WWOX: variants seen among roughly 807,000 people sequenced by gnomAD.
The protein encoded by WWOX is WW domain containing oxidoreductase.
Under a neutral mutation model 46.2 loss-of-function variants are expected in WWOX, and 69 were observed. That is an observed-to-expected ratio of 1.49 (90% CI 1.23 to 1.82). WWOX has a LOEUF of 1.82. WWOX is among the 40% of genes most tolerant of loss of function. The probability of loss-of-function intolerance (pLI) is 0.00; values close to 1 mark genes in which losing one functional copy is unlikely to be tolerated. For missense variants in WWOX, 919 were observed against 542.6 expected (o/e 1.69, Z -6.89); for synonymous variants, 359 against 202.6 (o/e 1.77, Z -6.56).
intron 8 of WWOX, among the ~76,000 whole-genome samples, chr16:79,029,440 C>G (rs1447906257): frequency 6.6e-6 from 1 of 152,198 alleles, no homozygotes; most frequent in African/African-American, 2.4e-5. Context: ...GTAAAGGGTT[C>G]TGATGTGTGA....
intron 6 of WWOX, among the ~76,000 whole-genome samples, chr16:78,409,854 C>T (rs1195888090): frequency 6.6e-6 from 1 of 152,202 alleles, no homozygotes; most frequent in Admixed American, 6.5e-5. Context: ...CCATTTCCCT[C>T]TAGCCACAAT....
intron 5 of WWOX, among the ~76,000 whole-genome samples, chr16:78,290,123 CAG>C (rs1446924214): frequency 2.0e-5 from 3 of 152,116 alleles, no homozygotes; most frequent in Non-Finnish European, 4.4e-5. Flanking sequence ...TAACGAATGA[CAG>C]TGTCTTTAGT....
intron 5 of WWOX, among the ~76,000 whole-genome samples, chr16:78,326,128 A>G (rs989733161): frequency 1.3e-5 from 2 of 152,114 alleles, no homozygotes; most frequent in African/African-American, 4.8e-5. Context: ...GCTCTTAGAA[A>G]CTTTGTACTC....
intron 8 of WWOX, among the ~76,000 whole-genome samples, chr16:78,808,634 C>T (rs918287226): frequency 1.3e-5 from 2 of 152,172 alleles, no homozygotes; most frequent in Non-Finnish European, 1.5e-5. Flanking sequence ...TAAACTCCAA[C>T]AGAAAAACAT....
intron 8 of WWOX, among the ~76,000 whole-genome samples, chr16:79,185,902 G>A (rs548044292): frequency 1.3e-5 from 2 of 152,130 alleles, no homozygotes; most frequent in Non-Finnish European, 2.9e-5. Context: ...CCTGATATTA[G>A]GAAAAATACG....
chr16:78,435,394 G>T (rs2083311941), intron 8 of WWOX, among the ~76,000 whole-genome samples: 1 of 152,164 alleles, frequency 6.6e-6, no homozygotes. Context: ...GACTACTTGT[G>T]AACAGGCCTC....
At chr16:78,354,581 C>G (rs2081247097) in intron 5 of WWOX, among the ~76,000 whole-genome samples, 1 of 152,034 alleles carries the variant, frequency 6.6e-6, no homozygotes, top group South Asian at 2.1e-4. Context: ...ATCCAGCAAG[C>G]CACTTTTAAA....
At chr16:79,009,404 T>G (rs2047258091) in intron 8 of WWOX, among the ~76,000 whole-genome samples, 6 of 152,032 alleles carry the variant, frequency 3.9e-5, no homozygotes, top group Admixed American at 3.9e-4. Context: ...GTGCTACGGT[T>G]GGGAAGAGAG....
At chr16:78,415,395 T>A (rs2082775894) in intron 6 of WWOX, among the ~76,000 whole-genome samples, 1 of 152,164 alleles carries the variant, frequency 6.6e-6, no homozygotes, top group Admixed American at 6.5e-5. Flanking sequence ...CAACCTATTT[T>A]ATCAGCAAGG....
At chr16:78,580,268 C>T (rs568175174) in intron 8 of WWOX, among the ~76,000 whole-genome samples, 40 of 151,996 alleles carry the variant, frequency 2.6e-4, no homozygotes, top group African/African-American at 7.7e-4. Context: ...GAGATGGGGT[C>T]TCACTATGTT....
At chr16:78,164,136 T>G in intron 4 of WWOX, 47 bp from the exon 5 acceptor site, 1 of 1,532,700 alleles carries the variant, frequency 6.5e-7, no homozygotes, top group South Asian at 1.2e-5. Flanking sequence ...CATGACTCAC[T>G]GTGTTGATGT....
chr16:78,157,486 A>C (rs1447537020), intron 4 of WWOX, among the ~76,000 whole-genome samples: 1 of 152,222 alleles, frequency 6.6e-6, no homozygotes, highest in Non-Finnish European at 1.5e-5. Flanking sequence ...ATACAGCTTC[A>C]AAAACCTTTT....
intron 4 of WWOX, among the ~76,000 whole-genome samples, chr16:78,163,101 C>G (rs555547248): frequency 1.3e-5 from 2 of 152,194 alleles, no homozygotes; most frequent in Admixed American, 1.3e-4. Context: ...ATTTGTTCCC[C>G]TCTGGCTTTT....
At chr16:78,668,195 A>C (rs2047376984) in intron 8 of WWOX, among the ~76,000 whole-genome samples, 1 of 152,110 alleles carries the variant, frequency 6.6e-6, no homozygotes, top group East Asian at 1.9e-4. Flanking sequence ...CAGAAGAACC[A>C]CTGGAACCTG....
chr16:78,887,354 CA>C (rs1294895309), intron 8 of WWOX, among the ~76,000 whole-genome samples: 1 of 151,866 alleles, frequency 6.6e-6, no homozygotes, highest in Non-Finnish European at 1.5e-5. Flanking sequence ...CCCTCTCTCC[CA>C]ACTCCCCACG....
At chr16:78,179,795 C>T (rs1408638343) in intron 5 of WWOX, 5 of 152,160 alleles carry the variant, frequency 3.3e-5, no homozygotes, top group Admixed American at 3.3e-4. Context: ...AGGTGCGTAC[C>T]ATAGGGATGT....
chr16:78,960,716 C>T (rs996741575), intron 8 of WWOX, among the ~76,000 whole-genome samples: 4 of 152,174 alleles, frequency 2.6e-5, no homozygotes, highest in African/African-American at 4.8e-5. Flanking sequence ...GTATGACTTT[C>T]CAGTAGAGGT....
At chr16:78,139,215 A>C (rs954734957) in intron 4 of WWOX, among the ~76,000 whole-genome samples, 3 of 152,296 alleles carry the variant, frequency 2.0e-5, no homozygotes, top group African/African-American at 7.2e-5. Context: ...GAGAGAGATA[A>C]TCCTAGCTTT....
At chr16:78,427,607 C>T (rs1012922672) in intron 7 of WWOX, among the ~76,000 whole-genome samples, 11 of 151,648 alleles carry the variant, frequency 7.3e-5, no homozygotes, top group Middle Eastern at 3.2e-3. Context: ...TTATTTTAGG[C>T]GGGAATTTTA....
Sources: allele counts gnomAD v4.1 joint callset (sites outside exome capture counted in the v4.1 genomes callset), GRCh38; gene constraint gnomAD v4.1.1; transcripts MANE v1.5; gene names NCBI Gene and HGNC (gene_info 2026-07-23, HGNC 2026-07-21).